Variants in RORC observed in about 807,000 individuals in gnomAD.
RORC encodes RAR related orphan receptor C, also known as nuclear receptor ROR-gamma.
A neutral mutation model predicts 64.5 loss-of-function variants in RORC; 13 were observed. The ratio of observed to expected loss-of-function variants is 0.20; its 90% CI spans 0.13 to 0.32. The LOEUF (loss-of-function observed/expected upper bound fraction) is 0.32, where lower values mean the gene tolerates loss of function less well. Among genes scored for constraint, RORC ranks in the 10% least tolerant of loss-of-function variants. RORC has a pLI of 1.00. For synonymous variants in RORC, 277 were observed against 259.3 expected, an observed-to-expected ratio of 1.07 and a Z score of -0.65; for missense variants, 468 against 669.5, an observed-to-expected ratio of 0.70 and a Z score of 3.32.
chr1:151,828,458 C>T (rs947075493), intron 2 of RORC, among the ~76,000 whole-genome samples: 3 of 152,176 alleles, frequency 2.0e-5, no homozygotes, highest in African/African-American at 7.2e-5. Context: ...AGAGAGGATT[C>T]TTATTCACTA....
chr1:151,825,574 G>A (rs958279857), intron 2 of RORC, among the ~76,000 whole-genome samples: 1 of 152,190 alleles, frequency 6.6e-6, no homozygotes, highest in Non-Finnish European at 1.5e-5. Context: ...AGGGCCCCTA[G>A]TAATTACCAG....
intron 10 of RORC, among the ~76,000 whole-genome samples, chr1:151,808,915 A>G (rs1350038981): frequency 6.6e-6 from 1 of 152,200 alleles, no homozygotes; most frequent in African/African-American, 2.4e-5. Flanking sequence ...AGCAGGTACA[A>G]AAGCCCTGCG....
At position 151,813,522 on chromosome 1, in the gene RORC, G is replaced by A. The variant is rs1473571362; in HGVS notation, c.1032C>T (p.Leu344=). 3.1e-6 allele frequency: 5 copies of A among 1,614,056 alleles called. No individual in the cohort carries two copies. In the Admixed American group the frequency reaches 5.0e-5, roughly 16 times the overall value. Residue 344 remains leucine, a synonymous_variant, in exon 7 of 11, where the codon CTC becomes CTT. Transcript: ENST00000318247. ...FAKRLSGFME[L]CQNDQIVLLK... ...GAAGCACAATCTGGTCATTCTGGCA[G>A]AGCTCCATAAAGCCTGAGAGCCTCT...
At chr1:151,829,485 G>T in intron 1 of RORC, 27 bp from the exon 2 acceptor site, 2 of 1,511,246 alleles carry the variant, frequency 1.3e-6, no homozygotes, top group Non-Finnish European at 1.8e-6. Context: ...GGGGGTTGAC[G>T]TCAAAGGTTG....
intron 2 of RORC, chr1:151,825,865 T>C (rs1652173316): frequency 1.3e-6 from 2 of 1,589,300 alleles, no homozygotes; most frequent in Non-Finnish European, 1.7e-6. Flanking sequence ...CAAGACATCC[T>C]CCTTTCCAGA....
intron 2 of RORC, among the ~76,000 whole-genome samples, chr1:151,818,620 T>G (rs563969851): frequency 8.1e-4 from 124 of 152,252 alleles, no homozygotes; most frequent in African/African-American, 2.6e-3. Context: ...AGCACATGGG[T>G]CTCTTTTCCA....
At chr1:151,826,881 C>T (rs560204449) in intron 2 of RORC, among the ~76,000 whole-genome samples, 1 of 152,110 alleles carries the variant, frequency 6.6e-6, no homozygotes, top group Admixed American at 6.5e-5. Flanking sequence ...ACTTTGGGAG[C>T]CCAAGGTGGG....
intron 1 of RORC, chr1:151,831,066 A>G (rs765268916): frequency 3.1e-6 from 4 of 1,289,106 alleles, no homozygotes; most frequent in Non-Finnish European, 4.0e-6. Context: ...GACTTGGACC[A>G]TGGGTGGGGC....
Position 151,807,752 on chromosome 1 carries a change from G to A in RORC, c.1396-119C>T. On this transcript the variant is annotated intron_variant, in intron 10 of 10. Coordinates refer to ENST00000318247, the MANE Select transcript of RORC (RefSeq NM_005060.4). The surrounding 1 kb of genome is among the most constrained non-coding windows in gnomAD (Gnocchi z 5.0). ...TCCTTGCCTTCCCCTTATGTACTTG[G>A]CACTTTGGCACCAGCCAAATCCCAC... 9.5e-7 allele frequency: 1 copy of A among 1,051,578 alleles called. No individual in the cohort carries two copies. Among genetic ancestry groups the A allele is most frequent in the Non-Finnish European group, 1.4e-6 (1 of 731,436 alleles). 65.1% of individuals were successfully genotyped at this position (1,051,578 alleles called of 1,614,324 possible). A position where few individuals can be genotyped will look rare whatever the true frequency, so the allele number is the denominator to read the frequency against.
At chr1:151,819,698 C>T (rs1258853982) in intron 2 of RORC, among the ~76,000 whole-genome samples, 1 of 152,212 alleles carries the variant, frequency 6.6e-6, no homozygotes, top group African/African-American at 2.4e-5. Flanking sequence ...ACCCCAGACA[C>T]ATCTCCCTGC....
intron 2 of RORC, among the ~76,000 whole-genome samples, chr1:151,817,723 G>A (rs1007203014): frequency 1.4e-4 from 22 of 152,372 alleles, no homozygotes; most frequent in African/African-American, 5.0e-4. Context: ...AAAGTGTAGG[G>A]TATAGCAGGA....
At chr1:151,824,379 G>A (rs1652110796) in intron 2 of RORC, among the ~76,000 whole-genome samples, 1 of 152,164 alleles carries the variant, frequency 6.6e-6, no homozygotes, top group African/African-American at 2.4e-5. Flanking sequence ...CCCCGCTGCT[G>A]GGCTAGAAGC....
At chr1:151,818,637 C>T (rs1380162665) in intron 2 of RORC, among the ~76,000 whole-genome samples, 3 of 152,240 alleles carry the variant, frequency 2.0e-5, no homozygotes, top group African/African-American at 7.2e-5. Context: ...TCCACCATCA[C>T]TGACCTGCTG....
chr1:151,812,885 C>T, intron 9 of RORC, 62 bp downstream of exon 9: 5 of 1,089,368 alleles, frequency 4.6e-6, no homozygotes, highest in East Asian at 2.4e-5. Context: ...CTAGACTCTT[C>T]TTCAATATCT....
intron 2 of RORC, among the ~76,000 whole-genome samples, chr1:151,818,229 A>C (rs1381261787): frequency 1.3e-5 from 2 of 152,172 alleles, no homozygotes; most frequent in East Asian, 3.8e-4. Flanking sequence ...TTTCGGGTAC[A>C]CATTTCAGTG....
At chr1:151,815,578 C>G (rs980268882) in intron 4 of RORC, among the ~76,000 whole-genome samples, 153 bp from the exon 5 acceptor site, 2 of 152,218 alleles carry the variant, frequency 1.3e-5, no homozygotes, top group African/African-American at 4.8e-5. Flanking sequence ...AACTTATGCT[C>G]AAGACCCCGT....
chr1:151,821,592 G>A (rs1308978410), intron 2 of RORC, among the ~76,000 whole-genome samples: 1 of 152,166 alleles, frequency 6.6e-6, no homozygotes, highest in Non-Finnish European at 1.5e-5. Flanking sequence ...GAAAACTGAG[G>A]CCTAGAGAGA....
At chr1:151,812,759 C>G (rs1651590099) in intron 9 of RORC, 188 bp downstream of exon 9, 1 of 514,946 alleles carries the variant, frequency 1.9e-6, no homozygotes, top group African/African-American at 1.9e-5. Flanking sequence ...CTGCTCTTGT[C>G]CCTCTCTGAG....
intron 2 of RORC, among the ~76,000 whole-genome samples, chr1:151,828,559 T>C (rs2101678101): frequency 6.6e-6 from 1 of 152,306 alleles, no homozygotes; most frequent in Non-Finnish European, 1.5e-5. Context: ...AGTGCCCCTG[T>C]CCATTCTGTT....
Sources: gnomAD v4.1 joint callset for allele counts (sites outside exome capture counted in the v4.1 genomes callset) on GRCh38, gnomAD v4.1.1 for gene constraint, Gnocchi (gnomAD v3.1) non-coding constraint, MANE v1.5 for transcripts, NCBI Gene and HGNC (gene_info 2026-07-23, HGNC 2026-07-21) for gene names.